TMEM178B: variants seen among roughly 807,000 people sequenced by gnomAD.
TMEM178B encodes the protein transmembrane protein 178B.
A neutral mutation model predicts 31.0 loss-of-function variants in TMEM178B; 5 were observed. The ratio of observed to expected loss-of-function variants is 0.16; its 90% CI spans 0.08 to 0.34. The LOEUF (loss-of-function observed/expected upper bound fraction) is 0.34. TMEM178B is among the 10% of genes least tolerant of loss of function. TMEM178B has a pLI of 1.00. For missense variants in TMEM178B, 275 were observed against 400.3 expected, an observed-to-expected ratio of 0.69 and a Z score of 2.67; for synonymous variants, 164 against 164.0, an observed-to-expected ratio of 1.00 and a Z score of 0.00.
chr7:141,349,901 T>C (rs2116526941), intron 2 of TMEM178B, among the ~76,000 whole-genome samples: 1 of 152,266 alleles, frequency 6.6e-6, no homozygotes, highest in East Asian at 1.9e-4. Context: ...TACTGAGTTC[T>C]CACTATTTGC....
chr7:141,506,887 C>G, the TMEM178B span, among the ~76,000 whole-genome samples: 1 of 152,088 alleles, frequency 6.6e-6, no homozygotes, highest in South Asian at 2.1e-4. Context: ...ACAGCCTTTC[C>G]AAATGGGAGA....
In TMEM178B at chr7:141,341,133, G is replaced by A. The variant is rs1038472501; in HGVS notation, c.497-96475G>A. On this transcript the variant is annotated intron_variant, in intron 2 of 3. Coordinates refer to ENST00000565468, the MANE Select transcript of TMEM178B (RefSeq NM_001195278.2). ...TCAACCCAGAGCTGTTTTTGACCCCGTTTGGAGTTATCTGCACACAAGCTG... is the reference window on the plus strand; with the variant it reads ...TCAACCCAGAGCTGTTTTTGACCCCATTTGGAGTTATCTGCACACAAGCTG... 3.3e-5 allele frequency among the ~76,000 whole-genome samples: 5 copies of A among 152,210 alleles called. No homozygotes were observed. The East Asian group carries it at 7.7e-4, about 23-fold the overall frequency.
At chr7:141,095,675 A>G (rs1424240179) in intron 1 of TMEM178B, among the ~76,000 whole-genome samples, 2 of 152,116 alleles carry the variant, frequency 1.3e-5, no homozygotes, top group Non-Finnish European at 2.9e-5. Context: ...ATTTTCACCA[A>G]TCAAACCCTG....
chr7:141,448,215 C>T (rs1413035077), intron 3 of TMEM178B, among the ~76,000 whole-genome samples: 1 of 152,002 alleles, frequency 6.6e-6, no homozygotes, highest in Non-Finnish European at 1.5e-5. Flanking sequence ...AAGACAATTG[C>T]TTTCTGTGAT....
At chr7:141,281,976 C>T (rs1260137520) in intron 2 of TMEM178B, among the ~76,000 whole-genome samples, 10 of 152,080 alleles carry the variant, frequency 6.6e-5, no homozygotes, top group Non-Finnish European at 1.5e-4. Flanking sequence ...TTTGAATGAC[C>T]ATTTTGCTGG....
intron 2 of TMEM178B, among the ~76,000 whole-genome samples, chr7:141,340,371 C>T (rs904773226): frequency 1.3e-5 from 2 of 152,196 alleles, no homozygotes; most frequent in African/African-American, 4.8e-5. Flanking sequence ...AGATAACTAA[C>T]ACAGGTACCA....
intron 2 of TMEM178B, among the ~76,000 whole-genome samples, chr7:141,228,059 T>C (rs1045143633): frequency 2.0e-5 from 3 of 151,460 alleles, no homozygotes; most frequent in Admixed American, 6.6e-5. Flanking sequence ...CACACACACA[T>C]GCACACACAT....
At chr7:141,124,132 CGAGGTGGGCAGATCACCT>C (rs1795452063) in intron 1 of TMEM178B, among the ~76,000 whole-genome samples, 1 of 152,074 alleles carries the variant, frequency 6.6e-6, no homozygotes, top group Non-Finnish European at 1.5e-5. Context: ...TTTGGGAGGC[CGAGGTGGGCAGATCACCT>C]GAGGTCAGGA....
chr7:141,162,110 C>T (rs1302601239), intron 1 of TMEM178B, among the ~76,000 whole-genome samples: 2 of 152,164 alleles, frequency 1.3e-5, no homozygotes, highest in African/African-American at 4.8e-5. Context: ...CAGGGCTTGG[C>T]CAGCTCCCCT....
chr7:141,148,719 G>C (rs768684676), intron 1 of TMEM178B, among the ~76,000 whole-genome samples: 26 of 152,254 alleles, frequency 1.7e-4, no homozygotes, highest in Non-Finnish European at 3.7e-4. Context: ...TGGAGGTACA[G>C]TCCCTGCTCA....
chr7:141,289,494 T>A (rs1183841530), intron 2 of TMEM178B, among the ~76,000 whole-genome samples: 1 of 151,772 alleles, frequency 6.6e-6, no homozygotes, highest in African/African-American at 2.4e-5. Flanking sequence ...GGCAGGCAGA[T>A]CACATGAGGT....
rs1300760270 is a variant in TMEM178B at position 141,473,826 on chromosome 7, G to A, written c.*3040G>A. 1 of 152,242 alleles carries A rather than the reference G, an allele frequency of 6.6e-6. No individual in the cohort carries two copies. Among genetic ancestry groups the A allele is most frequent in the Non-Finnish European group, 1.5e-5 (1 of 68,054 alleles). 9.4% of individuals were successfully genotyped at this position (152,242 alleles called of 1,614,324 possible). ...GACGGCAAGTCCTGGCCAATGGGAGGACTTCTCAGGTGACCTTGATCCCTC... is the reference window on the plus strand; with the variant it reads ...GACGGCAAGTCCTGGCCAATGGGAGAACTTCTCAGGTGACCTTGATCCCTC... On this transcript the variant is annotated 3_prime_UTR_variant, in exon 4 of 4. Coordinates refer to ENST00000565468, the MANE Select transcript of TMEM178B (RefSeq NM_001195278.2).
intron 2 of TMEM178B, among the ~76,000 whole-genome samples, chr7:141,398,777 C>T (rs570316491): frequency 4.6e-5 from 7 of 152,276 alleles, no homozygotes; most frequent in East Asian, 1.9e-4. Flanking sequence ...CTTGCCCAAC[C>T]GTCTCCGTCT....
Position 141,212,553 on chromosome 7 carries a change from G to T in TMEM178B, c.383-38G>T, listed in dbSNP as rs1178857860. 5.3e-6 allele frequency: 8 copies of T among 1,506,914 alleles called. No homozygotes were observed. The Admixed American group carries it at 1.6e-4, about 30-fold the overall frequency. 93.3% of individuals were successfully genotyped at this position (1,506,914 alleles called of 1,614,324 possible). Reference sequence around the variant, plus strand: ...CAGAACTAGTCCAGATGTGGTTGCTGCTTCCTTAACATTTTGTTTCCTGTT... The same window carrying T: ...CAGAACTAGTCCAGATGTGGTTGCTTCTTCCTTAACATTTTGTTTCCTGTT... On this transcript the variant is annotated intron_variant, in intron 1 of 3. Transcript: ENST00000565468.
intron 2 of TMEM178B, among the ~76,000 whole-genome samples, chr7:141,289,192 A>AAAT (rs1798501595): frequency 6.6e-6 from 1 of 152,174 alleles, no homozygotes; most frequent in African/African-American, 2.4e-5. Flanking sequence ...ACATGGGGGA[A>AAAT]AATAGTAATA....
At chr7:141,379,552 C>T (rs1487907854) in intron 2 of TMEM178B, among the ~76,000 whole-genome samples, 3 of 152,130 alleles carry the variant, frequency 2.0e-5, no homozygotes, top group African/African-American at 7.2e-5. Context: ...AAAGCAGTCA[C>T]ATTATCTTCA....
At chr7:141,240,747 A>G (rs1367870780) in intron 2 of TMEM178B, among the ~76,000 whole-genome samples, 1 of 152,204 alleles carries the variant, frequency 6.6e-6, no homozygotes, top group Admixed American at 6.5e-5. Flanking sequence ...GCTATTATTT[A>G]TATGAAGCCA....
intron 2 of TMEM178B, among the ~76,000 whole-genome samples, chr7:141,303,867 G>C (rs1272222498): frequency 6.6e-6 from 1 of 152,206 alleles, no homozygotes; most frequent in Non-Finnish European, 1.5e-5. Context: ...ACTATGCAAA[G>C]TGCATGCAAC....
chr7:141,414,675 T>G (rs767652130), intron 2 of TMEM178B: 2 of 152,584 alleles, frequency 1.3e-5, no homozygotes, highest in African/African-American at 4.8e-5. Context: ...AGCTTATATC[T>G]ATCTCCATCT....
Sources: gnomAD v4.1 joint callset for allele counts (sites outside exome capture counted in the v4.1 genomes callset) on GRCh38, gnomAD v4.1.1 for gene constraint, MANE v1.5 for transcripts, NCBI Gene and HGNC (gene_info 2026-07-23, HGNC 2026-07-21) for gene names.